The following CHRND variants were observed in gnomAD, a reference collection of about 807,000 sequenced individuals.
The protein encoded by CHRND is cholinergic receptor nicotinic delta subunit.
CHRND carries 40 observed loss-of-function variants against 57.8 expected under a neutral mutation model. That is an observed-to-expected ratio of 0.69 (90% CI 0.54 to 0.90). CHRND has a LOEUF of 0.90. CHRND is among the 40% of genes least tolerant of loss of function. The probability of loss-of-function intolerance (pLI) is 0.00; values close to 1 mark genes in which losing one functional copy is unlikely to be tolerated. For missense variants in CHRND, 634 were observed against 673.9 expected (o/e 0.94, Z 0.66); for synonymous variants, 237 against 270.6 (o/e 0.88, Z 1.22).
Position 232,535,157 on chromosome 2 carries a change from C to T in CHRND, c.1399C>T (p.Arg467Cys), listed in dbSNP as rs1248113231. The T allele has an allele frequency of 1.7e-5, 27 of 1,614,082 alleles. 1 individual carries two copies. In the South Asian group the frequency reaches 1.8e-4, roughly 10 times the overall value. ...GAAAGACAGCTGGAACCGAGTGGCCCGCACAGTGGACCGCCTCTGCCTGTT... is the reference window on the plus strand; with the variant it reads ...GAAAGACAGCTGGAACCGAGTGGCCTGCACAGTGGACCGCCTCTGCCTGTT... ...EEKDSWNRVA[R>C]TVDRLCLFVV... is the part of the protein sequence containing the mutation. The change falls in exon 12 of 12, where the codon CGC becomes TGC. Residue 467 changes from arginine (R) to cysteine (C), a missense_variant. Transcript: ENST00000258385.
chr2:232,527,368 G>T (rs751206191), intron 2 of CHRND, 33 bp from the exon 3 acceptor site: 1 of 1,551,874 alleles, frequency 6.4e-7, no homozygotes, highest in Admixed American at 1.7e-5. Flanking sequence ...GAATGATATG[G>T]CCCTGAAGGA....
Position 232,526,544 on chromosome 2 carries a change from A to G in CHRND, c.68A>G (p.Asn23Ser). ...CCCTCCCCAGGCAGCTGGGGGCTGAACGAGGAGGAGCGGCTGATCCGGCAC... is the reference window on the plus strand; with the variant it reads ...CCCTCCCCAGGCAGCTGGGGGCTGAGCGAGGAGGAGCGGCTGATCCGGCAC... ...ALAVCGSWGL[N>S]EEERLIRHLF... Residue 23 changes from asparagine to serine, a missense_variant, in exon 2 of 12, where the codon AAC (asparagine) becomes AGC (serine). Physicochemically the swap from Asn to Ser is conservative, Grantham distance 46. Coordinates refer to ENST00000258385, the MANE Select transcript of CHRND (RefSeq NM_000751.3). 5 of 1,613,650 alleles carry G rather than the reference A, an allele frequency of 3.1e-6. No individual in the cohort carries two copies. Among genetic ancestry groups the G allele is most frequent in the Non-Finnish European group, 4.2e-6 (5 of 1,180,020 alleles).
rs2106217180 is a variant in CHRND at position 232,536,491 on chromosome 2, A to C, written c.*1179A>C. The stretch of plus-strand genomic sequence containing the variant: ...CTCCTGCCAACAGCCACGTGAGTGA[A>C]TGTGGAAGTGGATCCTCTGCCCCAG... On this transcript the variant is annotated 3_prime_UTR_variant, in exon 12 of 12. Coordinates refer to ENST00000258385, the MANE Select transcript of CHRND (RefSeq NM_000751.3). 2 of 453,654 alleles carry C rather than the reference A, an allele frequency of 4.4e-6. No individual in the cohort carries two copies. The highest frequency in any genetic ancestry group is 3.1e-5 in the South Asian group (2 of 64,480). 28.1% of individuals were successfully genotyped at this position (453,654 alleles called of 1,614,324 possible).
chr2:232,534,391 A>G, intron 11 of CHRND, 49 bp downstream of exon 11: 1 of 1,546,234 alleles, frequency 6.5e-7, no homozygotes, highest in Non-Finnish European at 8.9e-7. Flanking sequence ...TAGGGCACTG[A>G]TTAAGTGTAT....
At position 232,528,534 on chromosome 2, in the gene CHRND, C is replaced by A; in HGVS notation, c.387C>A (p.Cys129Ter). 6.2e-7 allele frequency: 1 copy of A among 1,614,172 alleles called. No homozygotes were observed. The highest frequency in any genetic ancestry group is 8.5e-7 in the Non-Finnish European group (1 of 1,180,040). The change falls in exon 5 of 12, where the codon TGC becomes TGA. Residue 129 changes from cysteine (C) to a stop codon, truncating the protein, a stop_gained. Transcript: ENST00000258385. LOFTEE classifies it high-confidence loss of function. ...NDGSFQISYSCNVLVYHYGFV... is the reference protein window; with the variant it reads ...NDGSFQISYS Reference sequence around the variant, plus strand: ...GCTCCTTCCAGATCTCCTACTCCTGCAACGTGCTTGTCTACCACTACGGCT... The same window carrying A: ...GCTCCTTCCAGATCTCCTACTCCTGAAACGTGCTTGTCTACCACTACGGCT...
intron 2 of CHRND, 102 bp downstream of exon 2, chr2:232,526,776 C>A: frequency 8.2e-7 from 1 of 1,224,088 alleles, no homozygotes; most frequent in Non-Finnish European, 1.2e-6. Context: ...TGGCCTATGG[C>A]CACTCCCTTC....
chr2:232,530,173 C>A (rs771062973), intron 7 of CHRND, 34 bp downstream of exon 7: 1 of 1,603,292 alleles, frequency 6.2e-7, no homozygotes, highest in Non-Finnish European at 8.5e-7. Flanking sequence ...TGCTCCCCCT[C>A]CCCAAGCCCA....
At chr2:232,533,299 C>T (rs1691773863) in intron 9 of CHRND, among the ~76,000 whole-genome samples, 1 of 152,158 alleles carries the variant, frequency 6.6e-6, no homozygotes, top group Admixed American at 6.5e-5. Context: ...GGACTATAGG[C>T]GTGAGCCACT....
chr2:232,531,212 C>T (rs1239180514), intron 7 of CHRND, 140 bp from the exon 8 acceptor site: 22 of 713,390 alleles, frequency 3.1e-5, no homozygotes, highest in East Asian at 8.1e-5. Context: ...CTCCATAACC[C>T]GTAATTTTCA....
chr2:232,535,265 C>T lies in CHRND; in HGVS notation c.1507C>T (p.Pro503Ser). 1 of 1,614,132 alleles carries T rather than the reference C, an allele frequency of 6.2e-7. No homozygotes were observed. Among genetic ancestry groups the T allele is most frequent in the Non-Finnish European group, 8.5e-7 (1 of 1,180,034 alleles). ...CAACCAGCCACCACCCCAGCCTTTT[C>T]CTGGGGACCCCTACTCCTACAACGT... The part of the protein sequence containing the change: ...VYNQPPPQPF[P>S]GDPYSYNVQD... Residue 503 changes from proline (P) to serine (S), a missense_variant, in exon 12 of 12, where the codon CCT becomes TCT. Pro to Ser is a moderately conservative substitution (Grantham distance 74). Coordinates refer to ENST00000258385, the MANE Select transcript of CHRND (RefSeq NM_000751.3).
At position 232,534,339 on chromosome 2, in the gene CHRND, T is replaced by C; in HGVS notation, c.1368T>C (p.Asn456=). Residue 456 remains asparagine (N), a synonymous_variant, in exon 11 of 12, where the codon AAT becomes AAC. Transcript: ENST00000258385. ...ACATGAGGGACCAGAACAATTACAA[T>C]GAGGTAAGGGACCACAGGATTGCCA... The part of the protein sequence containing the change: ...VNHMRDQNNY[N]EEKDSWNRVA... 2 of 1,613,870 alleles carry C rather than the reference T, an allele frequency of 1.2e-6. No individual in the cohort carries two copies. Among genetic ancestry groups the C allele is most frequent in the African/African-American group, 1.3e-5 (1 of 75,034 alleles).
rs1032792577 is a variant in CHRND, at chr2:232,536,581, A to G, written c.*1269A>G. The G allele has an allele frequency of 2.5e-6, 1 of 394,644 alleles. No homozygotes were observed. The highest frequency in any genetic ancestry group is 2.1e-5 in the African/African-American group (1 of 48,126). The allele number at this position is 394,644 out of a possible 1,614,324, so 24.4% of individuals were successfully genotyped here. On this transcript the variant is annotated 3_prime_UTR_variant, in exon 12 of 12. Coordinates refer to ENST00000258385, the MANE Select transcript of CHRND (RefSeq NM_000751.3). ...ATGTGCAGCCCCATGAAAGTCCCTA[A>G]GCCAGAACCACCAGCTAAGTGACTC... is the stretch of plus-strand genomic sequence containing the variant.
intron 9 of CHRND, among the ~76,000 whole-genome samples, chr2:232,533,023 C>A (rs1194003348): frequency 6.6e-6 from 1 of 151,848 alleles, no homozygotes; most frequent in African/African-American, 2.4e-5. Flanking sequence ...TTTAGCAACT[C>A]TTTTTTTTCT....
rs1210024513 is a variant in CHRND at position 232,528,245 on chromosome 2, T to C, written c.244-17T>C. The C allele has an allele frequency of 1.2e-6, 2 of 1,612,902 alleles. No individual in the cohort carries two copies. The highest frequency in any genetic ancestry group is 2.7e-5 in the African/African-American group (2 of 74,894). On this transcript the variant is annotated splice_polypyrimidine_tract_variant and intron_variant, in intron 3 of 11. Coordinates refer to ENST00000258385, the MANE Select transcript of CHRND (RefSeq NM_000751.3). ...ATGGCTGCAGAGTGCACTGGTGACA[T>C]GCCTTTGGGATTCCAGGGCTGGACA... is the stretch of plus-strand genomic sequence containing the variant.
At chr2:232,527,063 C>T (rs1199729369) in intron 2 of CHRND, among the ~76,000 whole-genome samples, 2 of 152,080 alleles carry the variant, frequency 1.3e-5, no homozygotes, top group Non-Finnish European at 2.9e-5. Context: ...CTTTGGGAGG[C>T]CCAGGTGGGT....
In CHRND at chr2:232,536,625, G is replaced by A. The variant is rs554703726; in HGVS notation, c.*1313G>A. On this transcript the variant is annotated 3_prime_UTR_variant, in exon 12 of 12. Coordinates refer to ENST00000258385, the MANE Select transcript of CHRND (RefSeq NM_000751.3). ...GTGACTCCTGGATTCCTGACCCCCA[G>A]AAACTGTGTGAGATAATAAATGTGT... The A allele has an allele frequency of 2.1e-4, 76 of 364,728 alleles. No homozygotes were observed. Among genetic ancestry groups the A allele is most frequent in the Non-Finnish European group, 3.4e-4 (63 of 185,140 alleles). The allele number at this position is 364,728 out of a possible 1,614,324, so 22.6% of individuals were successfully genotyped here.
chr2:232,535,644 T>C lies in CHRND; in HGVS notation c.*332T>C. 1 of 518,150 alleles carries C rather than the reference T, an allele frequency of 1.9e-6. No homozygotes were observed. The highest frequency in any genetic ancestry group is 3.7e-6 in the Non-Finnish European group (1 of 269,472). The allele number at this position is 518,150 out of a possible 1,614,324, so 32.1% of individuals were successfully genotyped here. On this transcript the variant is annotated 3_prime_UTR_variant, in exon 12 of 12. Transcript: ENST00000258385. ...GGGGTGAGACAGATAGGGCCCCTTC[T>C]CTGCTTCTCCTCCCCCAAGGTGTGG...
Position 232,535,023 on chromosome 2 carries a change from C to T in CHRND, c.1372-107C>T, listed in dbSNP as rs1550093. On this transcript the variant is annotated intron_variant, in intron 11 of 11. Transcript: ENST00000258385. ...TCCTGCAAGCCCGAGGCAGCCTCTG[C>T]AGGCACACTGAGCCGCCCTCTGCCT... The T allele has an allele frequency of 3.4e-3, 4,528 of 1,330,868 alleles. 12 individuals are homozygous for T. The highest frequency in any genetic ancestry group is 3.9e-3 in the South Asian group (314 of 80,640). The allele number at this position is 1,330,868 out of a possible 1,614,324, so 82.4% of individuals were successfully genotyped here.
In CHRND at chr2:232,535,588, T is replaced by C; in HGVS notation, c.*276T>C. ...GCTCAGGGGCCAGGGAGGAGGCCAC[T>C]CAGGGTGGCCTCAGGGGGAGAGCTC... On this transcript the variant is annotated 3_prime_UTR_variant, in exon 12 of 12. Transcript: ENST00000258385. 1 of 623,728 alleles carries C rather than the reference T, an allele frequency of 1.6e-6. No homozygotes were observed. Among genetic ancestry groups the C allele is most frequent in the Non-Finnish European group, 3.0e-6 (1 of 336,912 alleles). The allele number at this position is 623,728 out of a possible 1,614,324, so 38.6% of individuals were successfully genotyped here. A position where few individuals can be genotyped will look rare whatever the true frequency, so the allele number is the denominator to read the frequency against.
Sources: gnomAD v4.1 joint callset for allele counts (sites outside exome capture counted in the v4.1 genomes callset) on GRCh38, gnomAD v4.1.1 for gene constraint, MANE v1.5 for transcripts, NCBI Gene and HGNC (gene_info 2026-07-23, HGNC 2026-07-21) for gene names.